Variants in SMARCA2 observed in about 807,000 individuals in gnomAD.
SMARCA2 encodes the protein SWI/SNF related BAF chromatin remodeling complex subunit ATPase 2, also known as SWI/SNF-related matrix-associated actin-dependent regulator of chromatin subfamily A member 2.
In SMARCA2, 61 loss-of-function variants were observed where a neutral mutation model predicts 199.8. The ratio of observed to expected loss-of-function variants is 0.31; its 90% CI spans 0.25 to 0.38. SMARCA2 has a LOEUF of 0.38. SMARCA2 is among the 10% of genes least tolerant of loss of function. The probability of loss-of-function intolerance (pLI) is 1.00; values close to 1 mark genes in which losing one functional copy is unlikely to be tolerated. For missense variants in SMARCA2, 1,344 were observed against 2,012.2 expected (o/e 0.67, Z 6.35); for synonymous variants, 935 against 732.0 (o/e 1.28, Z -4.48).
At chr9:2,101,832 G>T (rs1822530242) in intron 22 of SMARCA2, among the ~76,000 whole-genome samples, 1 of 152,184 alleles carries the variant, frequency 6.6e-6, no homozygotes, top group Non-Finnish European at 1.5e-5. Flanking sequence ...AAAGGACATA[G>T]ATCTTATTTA....
chr9:2,057,074 A>T (rs1179867335), intron 7 of SMARCA2, among the ~76,000 whole-genome samples: 2 of 152,262 alleles, frequency 1.3e-5, no homozygotes, highest in East Asian at 3.8e-4. Context: ...GCTTAGCAGC[A>T]CAATGAGGTT....
chr9:2,102,368 A>G (rs566690543), intron 22 of SMARCA2, among the ~76,000 whole-genome samples: 2 of 152,258 alleles, frequency 1.3e-5, no homozygotes, highest in South Asian at 2.1e-4. Context: ...CCAGGGTTGC[A>G]TGGTGAAAAC....
intron 31 of SMARCA2, among the ~76,000 whole-genome samples, chr9:2,185,256 GTATGAGTAGA>G (rs1827356203): frequency 1.3e-5 from 2 of 152,146 alleles, no homozygotes; most frequent in South Asian, 4.1e-4. Flanking sequence ...TAGATACTTC[GTATGAGTAGA>G]ATCATAGAGT....
At chr9:2,147,277 T>G (rs1407430941) in intron 27 of SMARCA2, among the ~76,000 whole-genome samples, 1 of 150,576 alleles carries the variant, frequency 6.6e-6, no homozygotes, top group Non-Finnish European at 1.5e-5. Context: ...TACTATGACC[T>G]TCTTTATGAC....
intron 3 of SMARCA2, 81 bp downstream of exon 3, chr9:2,033,162 T>A: frequency 6.7e-7 from 1 of 1,498,314 alleles, no homozygotes; most frequent in Non-Finnish European, 9.1e-7. Context: ...AATTATGAAT[T>A]CCAAAGAATG....
intron 29 of SMARCA2, among the ~76,000 whole-genome samples, chr9:2,174,378 TG>T (rs890975912): frequency 2.6e-5 from 4 of 152,142 alleles, no homozygotes; most frequent in African/African-American, 7.2e-5. Context: ...TGTATATTAA[TG>T]GGGGAAAAAA....
intron 7 of SMARCA2, chr9:2,058,061 T>C: frequency 2.4e-6 from 1 of 411,192 alleles, no homozygotes; most frequent in East Asian, 4.0e-5. Flanking sequence ...TAAGGAGGCT[T>C]CTCTTGCTAA....
At chr9:2,093,938 A>G (rs1041992177) in intron 19 of SMARCA2, among the ~76,000 whole-genome samples, 4 of 152,250 alleles carry the variant, frequency 2.6e-5, no homozygotes, top group African/African-American at 9.6e-5. Flanking sequence ...TGTTGGGAAA[A>G]TGAGCTTCAG....
intron 1 of SMARCA2, among the ~76,000 whole-genome samples, chr9:2,024,777 C>T (rs545400068): frequency 6.6e-6 from 1 of 152,302 alleles, no homozygotes; most frequent in East Asian, 1.9e-4. Flanking sequence ...AAAGATTCTG[C>T]CTGCGGTTTC....
At chr9:2,191,240 GTC>G in intron 32 of SMARCA2, 24 bp from the exon 33 acceptor site, 1 of 1,611,202 alleles carries the variant, frequency 6.2e-7, no homozygotes, top group Non-Finnish European at 8.5e-7. Flanking sequence ...ACTCACTGGT[GTC>G]TATTTCATTT....
chr9:2,015,458 GC>G (rs1366044798), intron 1 of SMARCA2, 54 bp downstream of exon 1: 1 of 153,108 alleles, frequency 6.5e-6, no homozygotes, highest in Admixed American at 6.5e-5. Flanking sequence ...CGGCCGCCCC[GC>G]TGCAGCCGCC....
Position 2,016,067 on chromosome 9 carries a change from C to T in SMARCA2, c.-37+663C>T. 6.6e-6 allele frequency: 1 copy of T among 152,384 alleles called. No individual in the cohort carries two copies. Among genetic ancestry groups the T allele is most frequent in the Non-Finnish European group, 1.5e-5 (1 of 68,118 alleles). The allele number at this position is 152,384 out of a possible 1,614,324, so 9.4% of individuals were successfully genotyped here. ...GGACTTGTTCAAAGGGCTCCGGCTG[C>T]GGAGACGTGAGCGGATCGCAGCGGG... On this transcript the variant is annotated intron_variant, in intron 1 of 33. Coordinates refer to ENST00000349721, the MANE Select transcript of SMARCA2 (RefSeq NM_003070.5). The surrounding 1 kb of genome is among the most constrained non-coding windows in gnomAD (Gnocchi z 5.6).
At chr9:2,036,918 A>G (rs1024442853) in intron 3 of SMARCA2, among the ~76,000 whole-genome samples, 1 of 152,162 alleles carries the variant, frequency 6.6e-6, no homozygotes, top group Non-Finnish European at 1.5e-5. Flanking sequence ...GTTGCCTAAT[A>G]TTTTGGTTCA....
intron 26 of SMARCA2, among the ~76,000 whole-genome samples, chr9:2,121,013 C>A (rs60255916): frequency 0.018 from 2,751 of 152,260 alleles, 87 homozygotes; most frequent in African/African-American, 0.063. Flanking sequence ...CTGGGGAACA[C>A]CCAAGCAAGA....
Position 2,058,343 on chromosome 9 carries a change from G to C in SMARCA2, c.1400G>C (p.Arg467Pro). Reference protein sequence around the residue: ...QHAKDFKEYHRSVAGKIQKLS... With the variant: ...QHAKDFKEYHPSVAGKIQKLS... ...GCAAAAGATTTTAAGGAATATCATC[G>C]GTCTGTGGCCGGAAAGATCCAGAAG... The change falls in exon 8 of 34, where the codon CGG becomes CCG. Residue 467 changes from arginine to proline, a missense_variant. Coordinates refer to ENST00000349721, the MANE Select transcript of SMARCA2 (RefSeq NM_003070.5). 1 of 1,614,082 alleles carries C rather than the reference G, an allele frequency of 6.2e-7. No individual in the cohort carries two copies. Among genetic ancestry groups the C allele is most frequent in the Non-Finnish European group, 8.5e-7 (1 of 1,179,992 alleles).
intron 27 of SMARCA2, among the ~76,000 whole-genome samples, chr9:2,144,078 G>A (rs535412841): frequency 6.6e-6 from 1 of 151,860 alleles, no homozygotes; most frequent in Non-Finnish European, 1.5e-5. Flanking sequence ...GATGGGGGGG[G>A]ATGTAGGCAT....
chr9:2,102,363 G>A (rs1363384221), intron 22 of SMARCA2, among the ~76,000 whole-genome samples: 1 of 152,122 alleles, frequency 6.6e-6, no homozygotes, highest in Non-Finnish European at 1.5e-5. Context: ...CTTGGCCAGG[G>A]TTGCATGGTG....
chr9:2,176,169 C>CCTGTAAAAAAA (rs1826574599), intron 29 of SMARCA2, among the ~76,000 whole-genome samples: 1 of 140,054 alleles, frequency 7.1e-6, no homozygotes, highest in African/African-American at 3.2e-5. Context: ...GCATGAGCCA[C>CCTGTAAAAAAA]CGCGCCCGGC....
Position 2,177,694 on chromosome 9 carries a change from A to G in SMARCA2, c.4254-3877A>G, listed in dbSNP as rs371722467. Among the ~76,000 whole-genome samples, 155 of 151,972 alleles carry G rather than the reference A, an allele frequency of 1.0e-3. 1 individual carries two copies. The highest frequency in any genetic ancestry group is 3.4e-3 in the Middle Eastern group (1 of 294). ...CAGCCTCCCTAGTAGCCGGGATTAC[A>G]GGCATGCGCCACCACACCCAGCTAA... On this transcript the variant is annotated intron_variant, in intron 29 of 33. Coordinates refer to ENST00000349721, the MANE Select transcript of SMARCA2 (RefSeq NM_003070.5).
Sources: gnomAD v4.1 joint callset for allele counts (sites outside exome capture counted in the v4.1 genomes callset) on GRCh38, gnomAD v4.1.1 for gene constraint, Gnocchi (gnomAD v3.1) non-coding constraint, MANE v1.5 for transcripts, NCBI Gene and HGNC (gene_info 2026-07-23, HGNC 2026-07-21) for gene names.